STARD13: variants seen among roughly 807,000 people sequenced by gnomAD.
STARD13 encodes stAR-related lipid transfer protein 13.
A neutral mutation model predicts 106.4 loss-of-function variants in STARD13; 62 were observed. That is an observed-to-expected ratio of 0.58 (90% CI 0.48 to 0.72). The LOEUF (loss-of-function observed/expected upper bound fraction) is 0.72, where lower values mean the gene tolerates loss of function less well. STARD13 is among the 30% of genes least tolerant of loss of function. The pLI is 0.00. For missense variants in STARD13, 1,387 were observed against 1,424.0 expected (o/e 0.97, Z 0.42); for synonymous variants, 565 against 553.0 (o/e 1.02, Z -0.31).
the STARD13 span, among the ~76,000 whole-genome samples, chr13:33,606,621 A>G: frequency 1.8e-4 from 28 of 152,318 alleles, no homozygotes; most frequent in Non-Finnish European, 2.8e-4. Context: ...AAGCTTTGAT[A>G]TGTAACATTA....
chr13:33,236,691 A>G (rs1453969695), intron 1 of STARD13, among the ~76,000 whole-genome samples: 1 of 152,174 alleles, frequency 6.6e-6, no homozygotes, highest in African/African-American at 2.4e-5. Context: ...TGATGCTGGG[A>G]TGGCTTCAAT....
intron 3 of STARD13, among the ~76,000 whole-genome samples, chr13:33,149,846 T>G (rs1034124781): frequency 2.0e-5 from 3 of 152,216 alleles, no homozygotes; most frequent in Non-Finnish European, 4.4e-5. Flanking sequence ...CACTGCAAAA[T>G]TCTCGTGTGA....
At chr13:33,210,130 T>G (rs1399842250) in intron 1 of STARD13, among the ~76,000 whole-genome samples, 1 of 152,188 alleles carries the variant, frequency 6.6e-6, no homozygotes. Context: ...ATATGGCTCC[T>G]TGGGGACTTT....
At chr13:33,221,080 TA>T (rs201348027) in intron 1 of STARD13, among the ~76,000 whole-genome samples, 16 of 151,450 alleles carry the variant, frequency 1.1e-4, no homozygotes, top group East Asian at 1.9e-4. Flanking sequence ...GTCATCAACT[TA>T]AAAAAAAATT....
intron 1 of STARD13, among the ~76,000 whole-genome samples, chr13:33,269,372 G>T (rs1321642219): frequency 6.6e-6 from 1 of 152,208 alleles, no homozygotes; most frequent in East Asian, 1.9e-4. Flanking sequence ...AGCTCAGGCT[G>T]TGCTAGGTAG....
intron 1 of STARD13, among the ~76,000 whole-genome samples, chr13:33,228,165 G>A (rs978232515): frequency 2.0e-5 from 3 of 152,186 alleles, no homozygotes; most frequent in African/African-American, 7.2e-5. Flanking sequence ...GAAGCATGAA[G>A]AGTACATGGA....
the STARD13 span, among the ~76,000 whole-genome samples, chr13:33,431,441 T>C: frequency 6.6e-6 from 1 of 152,198 alleles, no homozygotes; most frequent in African/African-American, 2.4e-5. Flanking sequence ...TTATGGATAA[T>C]TTTAAATTAC....
chr13:33,622,614 CAAAAAAAAAAAAA>C, the STARD13 span, among the ~76,000 whole-genome samples: 2 of 28,186 alleles, frequency 7.1e-5, no homozygotes, highest in Admixed American at 7.0e-4. Flanking sequence ...GACTCCGTCT[CAAAAAAAAAAAAA>C]AAAAAAAAAA....
the STARD13 span, among the ~76,000 whole-genome samples, chr13:33,446,501 C>T: frequency 6.6e-6 from 1 of 151,744 alleles, no homozygotes; most frequent in East Asian, 1.9e-4. Flanking sequence ...TTTAATCTTC[C>T]CTGATTTCCT....
At chr13:33,397,466 GTAA>G in the STARD13 span, among the ~76,000 whole-genome samples, 1 of 152,206 alleles carries the variant, frequency 6.6e-6, no homozygotes, top group African/African-American at 2.4e-5. Context: ...GTTGCCATGA[GTAA>G]TAAAGTCCTT....
the STARD13 span, among the ~76,000 whole-genome samples, chr13:33,523,340 G>C: frequency 6.6e-6 from 1 of 152,094 alleles, no homozygotes; most frequent in African/African-American, 2.4e-5. Context: ...ATCTTGCTGA[G>C]TAATTTCTTA....
At chr13:33,621,671 C>T in the STARD13 span, among the ~76,000 whole-genome samples, 4 of 81,612 alleles carry the variant, frequency 4.9e-5, no homozygotes, top group Non-Finnish European at 8.8e-5. Context: ...CAGAGCGAGA[C>T]TCAGTCTCCA....
At chr13:33,337,379 C>A (rs1401737352) in intron 1 of STARD13, among the ~76,000 whole-genome samples, 1 of 152,078 alleles carries the variant, frequency 6.6e-6, no homozygotes, top group East Asian at 1.9e-4. Context: ...AAAAGATCTG[C>A]AAGTCTATCA....
chr13:33,629,727 G>T, the STARD13 span, among the ~76,000 whole-genome samples: 1 of 152,168 alleles, frequency 6.6e-6, no homozygotes, highest in African/African-American at 2.4e-5. Context: ...AAAGCAAACA[G>T]AAAAGAAATA....
At chr13:33,289,696 T>C (rs1892211794), upstream of STARD13, among the ~76,000 whole-genome samples, 1 of 152,068 alleles carries the variant, frequency 6.6e-6, no homozygotes, top group African/African-American at 2.4e-5. Context: ...AATGCCTACA[T>C]GGAAATATGG....
chr13:33,620,286 C>CTT, the STARD13 span, among the ~76,000 whole-genome samples: 7 of 142,774 alleles, frequency 4.9e-5, no homozygotes, highest in Middle Eastern at 3.7e-3. Flanking sequence ...TTTCTTTTTT[C>CTT]TTTTTTTTTT....
chr13:33,657,518 T>C, the STARD13 span: 1 of 152,236 alleles, frequency 6.6e-6, no homozygotes, highest in Admixed American at 6.5e-5. Flanking sequence ...AAACTGCAGA[T>C]TTAAAGTTCA....
the STARD13 span, among the ~76,000 whole-genome samples, chr13:33,574,199 G>A: frequency 2.6e-5 from 4 of 152,152 alleles, no homozygotes; most frequent in African/African-American, 9.7e-5. Flanking sequence ...GTGAAGCACT[G>A]TCAGAGTACA....
At chr13:33,608,872 G>A in the STARD13 span, among the ~76,000 whole-genome samples, 4 of 152,044 alleles carry the variant, frequency 2.6e-5, no homozygotes, top group African/African-American at 9.7e-5. Flanking sequence ...GGATCACAAG[G>A]TCAGGAGATC....
Sources: allele counts gnomAD v4.1 joint callset (sites outside exome capture counted in the v4.1 genomes callset), GRCh38; gene constraint gnomAD v4.1.1; transcripts MANE v1.5; gene names NCBI Gene and HGNC (gene_info 2026-07-23, HGNC 2026-07-21).